The following WDR35 variants were observed in gnomAD, a reference collection of about 807,000 sequenced individuals.
WDR35 encodes the protein WD repeat-containing protein 35.
In WDR35, 118 loss-of-function variants were observed where a neutral mutation model predicts 158.3. The observed-to-expected ratio is 0.75, with a 90% CI of 0.64 to 0.87. WDR35 has a LOEUF of 0.87. Ranked by LOEUF, WDR35 falls within the 40% of genes least tolerant of loss-of-function variation. The pLI, the probability that WDR35 is intolerant of heterozygous loss-of-function variation, is 0.00. For synonymous variants in WDR35, 448 were observed against 476.1 expected (o/e 0.94, Z 0.77); for missense variants, 1,263 against 1,405.8 (o/e 0.90, Z 1.62).
intron 12 of WDR35, among the ~76,000 whole-genome samples, chr2:19,952,192 A>G (rs890067120): frequency 6.6e-6 from 1 of 152,072 alleles, no homozygotes; most frequent in Non-Finnish European, 1.5e-5. Context: ...TGAGTCTCCA[A>G]TGTCTATTAT....
At chr2:19,939,626 T>C (rs1051981189) in intron 17 of WDR35, among the ~76,000 whole-genome samples, 8 of 152,200 alleles carry the variant, frequency 5.3e-5, no homozygotes, top group Non-Finnish European at 8.8e-5. Context: ...TTTCCATATA[T>C]AACTTGCAGC....
intron 11 of WDR35, among the ~76,000 whole-genome samples, chr2:19,960,136 G>A (rs891762164): frequency 6.6e-6 from 1 of 152,082 alleles, no homozygotes; most frequent in Non-Finnish European, 1.5e-5. Flanking sequence ...TTTTATGGAA[G>A]AGAGGTATTT....
Position 19,913,008 on chromosome 2 carries a change from A to C in WDR35, c.*550T>G, listed in dbSNP as rs1267143343. Reference sequence around the variant, plus strand: ...AATAGGGCTATTAGAAACAATTCAGATTGTAAAAAATGTCTTAAAATGCCA... The same window carrying C: ...AATAGGGCTATTAGAAACAATTCAGCTTGTAAAAAATGTCTTAAAATGCCA... On this transcript the variant is annotated 3_prime_UTR_variant, in exon 27 of 27. Transcript: ENST00000281405. 1 of 152,614 alleles carries C rather than the reference A, an allele frequency of 6.6e-6. No individual in the cohort carries two copies. The highest frequency in any genetic ancestry group is 6.5e-5 in the Admixed American group (1 of 15,318). 9.5% of individuals were successfully genotyped at this position (152,614 alleles called of 1,614,324 possible). A position where few individuals can be genotyped will look rare whatever the true frequency, so the allele number is the denominator to read the frequency against.
intron 23 of WDR35, among the ~76,000 whole-genome samples, chr2:19,931,960 A>G (rs1211611770): frequency 2.0e-5 from 3 of 152,144 alleles, no homozygotes; most frequent in African/African-American, 7.2e-5. Flanking sequence ...TACATTTAAA[A>G]GAACTTAAAA....
intron 25 of WDR35, among the ~76,000 whole-genome samples, chr2:19,923,994 G>A (rs911622216): frequency 6.6e-6 from 1 of 152,096 alleles, no homozygotes; most frequent in Non-Finnish European, 1.5e-5. Flanking sequence ...AAACTTGGTG[G>A]GCCCATGAAG....
chr2:19,941,889 T>G, intron 16 of WDR35, 50 bp from the exon 17 acceptor site: 1 of 1,304,336 alleles, frequency 7.7e-7, no homozygotes, highest in Non-Finnish European at 1.1e-6. Flanking sequence ...ATTTCCTCTC[T>G]TTTAACAAAT....
At chr2:19,947,939 G>C (rs1671109173) in intron 14 of WDR35, among the ~76,000 whole-genome samples, 1 of 151,750 alleles carries the variant, frequency 6.6e-6, no homozygotes, top group African/African-American at 2.4e-5. Context: ...GTAAAACTTG[G>C]GGTGCCCATA....
chr2:19,958,419 G>A (rs1293952166), intron 11 of WDR35, among the ~76,000 whole-genome samples: 4 of 152,124 alleles, frequency 2.6e-5, no homozygotes, highest in South Asian at 2.1e-4. Flanking sequence ...TACCTAGCAC[G>A]CAGTAGGGAA....
intron 13 of WDR35, among the ~76,000 whole-genome samples, chr2:19,950,355 T>C (rs548262776): frequency 3.3e-5 from 5 of 152,250 alleles, no homozygotes; most frequent in African/African-American, 1.2e-4. Context: ...CAAAGTCTTC[T>C]GGAAACCAGA....
chr2:19,930,064 A>G (rs1670477939), intron 25 of WDR35, among the ~76,000 whole-genome samples: 1 of 149,624 alleles, frequency 6.7e-6, no homozygotes, highest in Non-Finnish European at 1.5e-5. Flanking sequence ...AAATATATGT[A>G]TTAAATATAT....
intron 2 of WDR35, 143 bp from the exon 3 acceptor site, chr2:19,982,677 C>A (rs535176830): frequency 4.6e-6 from 4 of 877,120 alleles, no homozygotes; most frequent in Admixed American, 2.6e-5. Flanking sequence ...ATGGTATAAA[C>A]ATGAACAATA....
intron 8 of WDR35, among the ~76,000 whole-genome samples, chr2:19,969,834 G>A (rs867392179): frequency 5.4e-5 from 8 of 149,488 alleles, no homozygotes; most frequent in Middle Eastern, 3.5e-3. Context: ...TGCAAGCTCC[G>A]CCTCCCAGGT....
chr2:19,989,764 G>A (rs1672690691), intron 1 of WDR35, among the ~76,000 whole-genome samples: 1 of 152,218 alleles, frequency 6.6e-6, no homozygotes. Flanking sequence ...CCTAGCCAGG[G>A]GCAGGAATGG....
chr2:19,939,159 G>A (rs936841018), intron 17 of WDR35, among the ~76,000 whole-genome samples: 1 of 152,056 alleles, frequency 6.6e-6, no homozygotes, highest in South Asian at 2.1e-4. Context: ...CCAACTAAAA[G>A]ATTAATCAAA....
At chr2:19,914,886 T>C (rs192430489) in intron 25 of WDR35, among the ~76,000 whole-genome samples, 1 of 147,748 alleles carries the variant, frequency 6.8e-6, no homozygotes, top group African/African-American at 2.5e-5. Flanking sequence ...GCAATTATAC[T>C]GGAGATGAAA....
At chr2:19,920,262 G>A (rs1670129107) in intron 25 of WDR35, among the ~76,000 whole-genome samples, 1 of 152,102 alleles carries the variant, frequency 6.6e-6, no homozygotes, top group African/African-American at 2.4e-5. Context: ...CCAAAATGTG[G>A]CAGAGACACA....
chr2:19,913,309 A>G lies in WDR35; in HGVS notation c.*249T>C. 2.5e-6 allele frequency: 1 copy of G among 405,996 alleles called. No individual in the cohort carries two copies. The highest frequency in any genetic ancestry group is 3.4e-5 in the South Asian group (1 of 29,368). 25.1% of individuals were successfully genotyped at this position (405,996 alleles called of 1,614,324 possible). On this transcript the variant is annotated 3_prime_UTR_variant, in exon 27 of 27. Coordinates refer to ENST00000281405, the MANE Select transcript of WDR35 (RefSeq NM_020779.4). ...TCATGTAACCAAAAACAAGATAAACAAAAGAGAGAGGGTGAGAGAAAACAT... is the reference window on the plus strand; with the variant it reads ...TCATGTAACCAAAAACAAGATAAACGAAAGAGAGAGGGTGAGAGAAAACAT...
intron 6 of WDR35, 151 bp downstream of exon 6, chr2:19,975,379 T>A: frequency 9.7e-7 from 1 of 1,035,364 alleles, no homozygotes; most frequent in South Asian, 2.0e-5. Flanking sequence ...TAAAACAAAA[T>A]TTAGACGATT....
chr2:19,989,079 A>T, intron 2 of WDR35, 86 bp downstream of exon 2: 1 of 1,134,208 alleles, frequency 8.8e-7, no homozygotes, highest in Non-Finnish European at 1.3e-6. Context: ...TCAGAACTGC[A>T]TATTGACAGA....
Sources: gnomAD v4.1 joint callset for allele counts (sites outside exome capture counted in the v4.1 genomes callset) on GRCh38, gnomAD v4.1.1 for gene constraint, MANE v1.5 for transcripts, NCBI Gene and HGNC (gene_info 2026-07-23, HGNC 2026-07-21) for gene names.